Variants in CAMK1D observed in about 807,000 individuals in gnomAD.
CAMK1D encodes the protein calcium/calmodulin dependent protein kinase ID, also known as calcium/calmodulin-dependent protein kinase type 1D.
A neutral mutation model predicts 47.7 loss-of-function variants in CAMK1D; 9 were observed. The observed-to-expected ratio is 0.19, with a 90% CI of 0.11 to 0.33. The LOEUF is 0.33. CAMK1D is among the 10% of genes least tolerant of loss of function. CAMK1D has a pLI of 1.00. For missense variants in CAMK1D, 291 were observed against 488.7 expected (o/e 0.60, Z 3.81); for synonymous variants, 184 against 184.9 (o/e 0.99, Z 0.04).
intron 2 of CAMK1D, among the ~76,000 whole-genome samples, chr10:12,579,966 AC>A (rs1206914145): frequency 2.0e-5 from 3 of 152,032 alleles, no homozygotes; most frequent in African/African-American, 4.8e-5. Context: ...AAAAGTGTCC[AC>A]TCTCAGCCAG....
chr10:12,652,085 A>G (rs1839989493), intron 2 of CAMK1D, among the ~76,000 whole-genome samples: 1 of 151,986 alleles, frequency 6.6e-6, no homozygotes. Context: ...GCCGGAAATA[A>G]CTTTTTGAGG....
chr10:12,451,891 C>T (rs569049290), intron 1 of CAMK1D, among the ~76,000 whole-genome samples: 62 of 151,954 alleles, frequency 4.1e-4, no homozygotes, highest in African/African-American at 1.4e-3. Context: ...CTACTCTGGC[C>T]GATGGGCCTT....
intron 1 of CAMK1D, among the ~76,000 whole-genome samples, chr10:12,431,458 C>T (rs542378350): frequency 6.6e-6 from 1 of 152,196 alleles, no homozygotes; most frequent in South Asian, 2.1e-4. Context: ...GGAGAGAGGC[C>T]GATTCTCAGA....
At chr10:12,404,055 T>C (rs756826525) in intron 1 of CAMK1D, among the ~76,000 whole-genome samples, 13 of 151,908 alleles carry the variant, frequency 8.6e-5, no homozygotes, top group African/African-American at 3.1e-4. Context: ...CTTTTTCTTT[T>C]TTTTTTTGAG....
rs3061400 is a variant in CAMK1D, at chr10:12,406,722, CAAAAAAA to C, written c.92+56836_92+56842del. Among the ~76,000 whole-genome samples the C allele has an allele frequency of 9.4e-3, 648 of 69,194 alleles. 4 individuals carry two copies. The highest frequency in any genetic ancestry group is 0.043 in the African/African-American group (617 of 14,342). 45.4% of individuals were successfully genotyped at this position (69,194 alleles called of 152,430 possible). A position where few individuals can be genotyped will look rare whatever the true frequency, so the allele number is the denominator to read the frequency against. On this transcript the variant is annotated intron_variant, in intron 1 of 10. Transcript: ENST00000619168. ...TGGGTGACAAAATGAGACCCTGTCT[CAAAAAAA>C]AAAAAAAAAAAAAAAAAAAAAAATC...
chr10:12,753,670 C>T (rs1282717786), intron 3 of CAMK1D, among the ~76,000 whole-genome samples: 2 of 152,172 alleles, frequency 1.3e-5, no homozygotes, highest in Non-Finnish European at 2.9e-5. Flanking sequence ...GAGGGGCCAT[C>T]GCTGAACGCA....
intron 1 of CAMK1D, among the ~76,000 whole-genome samples, chr10:12,407,951 G>T (rs1035663290): frequency 2.7e-5 from 4 of 147,922 alleles, no homozygotes; most frequent in African/African-American, 1.0e-4. Flanking sequence ...TCCACCTCCT[G>T]TGTTCAAGTG....
At chr10:12,467,427 A>G (rs1564357699) in intron 1 of CAMK1D, among the ~76,000 whole-genome samples, 1 of 152,162 alleles carries the variant, frequency 6.6e-6, no homozygotes. Context: ...TACTGGGATT[A>G]TAAGCATGAG....
intron 3 of CAMK1D, among the ~76,000 whole-genome samples, chr10:12,680,834 A>G (rs1485059749): frequency 2.0e-5 from 3 of 151,364 alleles, no homozygotes; most frequent in East Asian, 1.9e-4. Flanking sequence ...ACAGTGAGCT[A>G]TGATGGCACC....
At chr10:12,599,582 T>A (rs539865238) in intron 2 of CAMK1D, among the ~76,000 whole-genome samples, 1 of 152,302 alleles carries the variant, frequency 6.6e-6, no homozygotes, top group African/African-American at 2.4e-5. Flanking sequence ...TTGTCCCCTT[T>A]TAGACAAACC....
At chr10:12,806,247 CT>C (rs1300899524) in intron 6 of CAMK1D, among the ~76,000 whole-genome samples, 1 of 152,216 alleles carries the variant, frequency 6.6e-6, no homozygotes, top group Non-Finnish European at 1.5e-5. Flanking sequence ...ATCTGTCCCC[CT>C]GACCCCCAAC....
chr10:12,548,447 C>CTTTTTT (rs35061502), intron 1 of CAMK1D, among the ~76,000 whole-genome samples: 73 of 81,200 alleles, frequency 9.0e-4, no homozygotes, highest in East Asian at 2.5e-3. Context: ...CCATTTTAAG[C>CTTTTTT]TTTTTTTTTT....
intron 1 of CAMK1D, among the ~76,000 whole-genome samples, chr10:12,509,888 T>C (rs2132161076): frequency 6.6e-6 from 1 of 152,354 alleles, no homozygotes; most frequent in African/African-American, 2.4e-5. Flanking sequence ...AGTAGCCACA[T>C]GGAACTGGGT....
intron 1 of CAMK1D, among the ~76,000 whole-genome samples, chr10:12,546,937 A>G (rs141626488): frequency 1.4e-3 from 218 of 152,280 alleles, no homozygotes; most frequent in Middle Eastern, 6.8e-3. Flanking sequence ...GTGCACATGT[A>G]CCGTAAAACT....
At chr10:12,400,793 C>G (rs987641729) in intron 1 of CAMK1D, among the ~76,000 whole-genome samples, 9 of 151,298 alleles carry the variant, frequency 5.9e-5, no homozygotes, top group African/African-American at 9.7e-5. Flanking sequence ...TAATTCCTCT[C>G]ATCCTTCAGG....
chr10:12,728,723 T>C (rs1395658776), intron 3 of CAMK1D, among the ~76,000 whole-genome samples: 3 of 152,216 alleles, frequency 2.0e-5, no homozygotes, highest in Non-Finnish European at 2.9e-5. Flanking sequence ...CCTCACCCCG[T>C]AGTTTTCATG....
rs531559341 is a variant in CAMK1D, at chr10:12,827,917, C to T, written c.1040-852C>T. Among the ~76,000 whole-genome samples the T allele has an allele frequency of 2.2e-4, 34 of 152,208 alleles. No individual in the cohort carries two copies. The South Asian group carries it at 3.9e-3, about 18-fold the overall frequency. On this transcript the variant is annotated intron_variant, in intron 10 of 10. Coordinates refer to ENST00000619168, the MANE Select transcript of CAMK1D (RefSeq NM_153498.4). ...TGGTCTGGAACTCCTGAGACTCAAG[C>T]GATCCACCCACCTTGGCCTCCCAAA...
intron 1 of CAMK1D, among the ~76,000 whole-genome samples, chr10:12,432,691 T>C (rs1564336951): frequency 6.6e-6 from 1 of 152,230 alleles, no homozygotes; most frequent in Non-Finnish European, 1.5e-5. Context: ...GTGAGTTGAA[T>C]AATGAATGAA....
At chr10:12,695,244 A>G (rs988099711) in intron 3 of CAMK1D, among the ~76,000 whole-genome samples, 2 of 152,186 alleles carry the variant, frequency 1.3e-5, no homozygotes, top group Non-Finnish European at 2.9e-5. Context: ...GGACAGACGG[A>G]GAATGACTTG....
Sources: allele counts gnomAD v4.1 joint callset (sites outside exome capture counted in the v4.1 genomes callset), GRCh38; gene constraint gnomAD v4.1.1; transcripts MANE v1.5; gene names NCBI Gene and HGNC (gene_info 2026-07-23, HGNC 2026-07-21).